Variants in OCA2 observed in about 807,000 individuals in gnomAD.
OCA2 encodes OCA2 melanosomal transmembrane protein, also known as P protein.
OCA2 carries 77 observed loss-of-function variants against 100.2 expected under a neutral mutation model. The ratio of observed to expected loss-of-function variants is 0.77; its 90% CI spans 0.64 to 0.93. OCA2 has a LOEUF of 0.93. Ranked by LOEUF, OCA2 falls within the 40% of genes least tolerant of loss-of-function variation. The pLI is 0.00. For synonymous variants in OCA2, 432 were observed against 439.2 expected, an observed-to-expected ratio of 0.98 and a Z score of 0.21; for missense variants, 1,062 against 1,089.1, an observed-to-expected ratio of 0.98 and a Z score of 0.35.
intron 22 of OCA2, among the ~76,000 whole-genome samples, chr15:27,845,730 C>T (rs2035508455): frequency 6.6e-6 from 1 of 152,156 alleles, no homozygotes; most frequent in Non-Finnish European, 1.5e-5. Context: ...GGTCAGTGTT[C>T]ACGAACAGGC....
intron 2 of OCA2, among the ~76,000 whole-genome samples, chr15:28,074,758 A>C (rs2044379008): frequency 6.6e-6 from 1 of 152,044 alleles, no homozygotes; most frequent in African/African-American, 2.4e-5. Context: ...GAGGCAGGAG[A>C]ATCGCTTGAA....
chr15:27,888,657 T>C (rs752175608), intron 19 of OCA2, among the ~76,000 whole-genome samples: 1 of 152,020 alleles, frequency 6.6e-6, no homozygotes, highest in African/African-American at 2.4e-5. Context: ...ACAGAATTTC[T>C]TTTTTTTAAT....
chr15:28,053,764 CT>C (rs1330505592), intron 2 of OCA2, among the ~76,000 whole-genome samples: 6 of 152,216 alleles, frequency 3.9e-5, no homozygotes, highest in Non-Finnish European at 5.9e-5. Flanking sequence ...ATTCTGGGCA[CT>C]TTGTCTCACG....
chr15:27,951,846 A>G lies in OCA2; in HGVS notation c.1889T>C (p.Leu630Ser). Residue 630 changes from leucine (L) to serine (S), a missense_variant, in exon 18 of 24, where the codon TTG becomes TCG. Leu to Ser is a moderately radical substitution (Grantham distance 145). Transcript: ENST00000354638. ...GILLAKCLTV[L>S]GFVIFMFFLN... The stretch of plus-strand genomic sequence containing the variant: ...GAAAAACATGAAGATAACAAATCCC[A>G]ACACTGTCAGGCATTTGGCGAGCAG... 1 of 1,614,088 alleles carries G rather than the reference A, an allele frequency of 6.2e-7. No individual in the cohort carries two copies. Among genetic ancestry groups the G allele is most frequent in the Non-Finnish European group, 8.5e-7 (1 of 1,179,940 alleles).
chr15:28,094,895 C>T (rs528597606), intron 1 of OCA2, among the ~76,000 whole-genome samples: 1 of 152,242 alleles, frequency 6.6e-6, no homozygotes, highest in African/African-American at 2.4e-5. Flanking sequence ...GTGCCAGGAC[C>T]GACAGAGGCC....
chr15:28,074,697 A>T (rs1486710146), intron 2 of OCA2, among the ~76,000 whole-genome samples: 9 of 146,074 alleles, frequency 6.2e-5, no homozygotes. Context: ...AAAAAAAAAA[A>T]TTAGCTGGGT....
the OCA2 span, among the ~76,000 whole-genome samples, chr15:27,747,917 G>A: frequency 6.6e-6 from 1 of 152,154 alleles, no homozygotes; most frequent in Admixed American, 6.5e-5. Context: ...GGAGAACTCT[G>A]AAACGTGGAT....
intron 23 of OCA2, among the ~76,000 whole-genome samples, chr15:27,842,955 T>G (rs1212948826): frequency 6.6e-6 from 1 of 152,098 alleles, no homozygotes; most frequent in African/African-American, 2.4e-5. Flanking sequence ...CCAGGTGGAG[T>G]GGACGCAAAC....
At chr15:27,859,291 A>C (rs1226669563) in intron 21 of OCA2, among the ~76,000 whole-genome samples, 1 of 152,160 alleles carries the variant, frequency 6.6e-6, no homozygotes, top group Admixed American at 6.5e-5. Flanking sequence ...ATTGACTAAG[A>C]AAAAGAGATA....
intron 18 of OCA2, among the ~76,000 whole-genome samples, chr15:27,943,417 G>A (rs1276293289): frequency 6.6e-6 from 1 of 152,006 alleles, no homozygotes; most frequent in Non-Finnish European, 1.5e-5. Flanking sequence ...CCCAAAATAC[G>A]CTTCTTTGAC....
chr15:27,805,029 G>A lies in OCA2; in HGVS notation c.2432+39930C>T, dbSNP rs76215485. 9.9e-3 allele frequency among the ~76,000 whole-genome samples: 1,508 copies of A among 152,320 alleles called. 23 individuals carry two copies. The highest frequency in any genetic ancestry group is 0.035 in the African/African-American group (1,453 of 41,586). ...GCTGCGTGGTGAGTTATTTAATTGT[G>A]CCTGTCATCAATGCCACCAAGAAGC... On this transcript the variant is annotated intron_variant, in intron 23 of 23. Coordinates refer to ENST00000354638, the MANE Select transcript of OCA2 (RefSeq NM_000275.3).
intron 1 of OCA2, among the ~76,000 whole-genome samples, chr15:28,094,231 C>T (rs2044926259): frequency 6.6e-6 from 1 of 152,190 alleles, no homozygotes; most frequent in Non-Finnish European, 1.5e-5. Flanking sequence ...CACAGCCCGT[C>T]CTCTGGGGTG....
intron 14 of OCA2, among the ~76,000 whole-genome samples, chr15:27,978,873 G>C (rs2041055302): frequency 6.6e-6 from 1 of 152,132 alleles, no homozygotes; most frequent in African/African-American, 2.4e-5. Flanking sequence ...TTTTAGTAGA[G>C]ACGGGGTTTC....
At chr15:27,856,146 C>T (rs1211104243) in intron 21 of OCA2, among the ~76,000 whole-genome samples, 3 of 152,064 alleles carry the variant, frequency 2.0e-5, no homozygotes, top group Non-Finnish European at 4.4e-5. Flanking sequence ...TGCCTGTGTG[C>T]GTCTGTGCCA....
At chr15:28,091,431 A>G (rs912400829) in intron 1 of OCA2, among the ~76,000 whole-genome samples, 2 of 152,200 alleles carry the variant, frequency 1.3e-5, no homozygotes, top group African/African-American at 4.8e-5. Flanking sequence ...AATATTAGCA[A>G]AGGGAATTCA....
chr15:27,849,594 A>G (rs991501547), intron 22 of OCA2, among the ~76,000 whole-genome samples: 9 of 151,856 alleles, frequency 5.9e-5, no homozygotes, highest in Non-Finnish European at 8.8e-5. Context: ...CAATTTATAG[A>G]GCAAATGACA....
At chr15:27,953,848 T>G (rs2040120723) in intron 17 of OCA2, among the ~76,000 whole-genome samples, 1 of 152,032 alleles carries the variant, frequency 6.6e-6, no homozygotes, top group Admixed American at 6.5e-5. Context: ...AGATTTTTGG[T>G]GCTCCCATAG....
chr15:27,869,331 A>T (rs568273457), intron 21 of OCA2, among the ~76,000 whole-genome samples: 110 of 152,128 alleles, frequency 7.2e-4, no homozygotes, highest in African/African-American at 2.6e-3. Context: ...TGGTCCTGAG[A>T]CTCCAGGGGA....
intron 23 of OCA2, among the ~76,000 whole-genome samples, chr15:27,797,821 G>A (rs2033411101): frequency 6.6e-6 from 1 of 152,168 alleles, no homozygotes; most frequent in African/African-American, 2.4e-5. Flanking sequence ...AGCACCCTGG[G>A]GGCTCCATGT....
Sources: allele counts gnomAD v4.1 joint callset (sites outside exome capture counted in the v4.1 genomes callset), GRCh38; gene constraint gnomAD v4.1.1; transcripts MANE v1.5; gene names NCBI Gene and HGNC (gene_info 2026-07-23, HGNC 2026-07-21).